Variants in AHCYL1 observed in about 807,000 individuals in gnomAD.
The protein encoded by AHCYL1 is adenosylhomocysteinase like 1, also known as S-adenosylhomocysteine hydrolase-like protein 1.
In AHCYL1, 20 loss-of-function variants were observed where a neutral mutation model predicts 79.3. The ratio of observed to expected loss-of-function variants is 0.25; its 90% CI spans 0.18 to 0.37. AHCYL1 has a LOEUF of 0.37. AHCYL1 is among the 10% of genes least tolerant of loss of function. The pLI, the probability that AHCYL1 is intolerant of heterozygous loss-of-function variation, is 1.00. For missense variants in AHCYL1, 330 were observed against 673.6 expected, an observed-to-expected ratio of 0.49 and a Z score of 5.65; for synonymous variants, 223 against 242.2, an observed-to-expected ratio of 0.92 and a Z score of 0.74.
chr1:109,995,420 G>A (rs764047779), intron 1 of AHCYL1, among the ~76,000 whole-genome samples: 6 of 152,096 alleles, frequency 3.9e-5, no homozygotes, highest in Non-Finnish European at 5.9e-5. Flanking sequence ...ATACAATCTC[G>A]GTCTTCCTCA....
intron 2 of AHCYL1, among the ~76,000 whole-genome samples, chr1:110,009,617 C>A: frequency 6.6e-6 from 1 of 152,148 alleles, no homozygotes; most frequent in East Asian, 1.9e-4. Flanking sequence ...TTAGGTTATT[C>A]TTTCTGTTGG....
chr1:110,012,391 C>T lies in AHCYL1; in HGVS notation c.406C>T (p.Arg136Cys), dbSNP rs1257309690. The change falls in exon 4 of 17, where the codon CGT becomes TGT. Residue 136 changes from arginine to cysteine, a missense_variant. By Grantham distance (180) the Arg-to-Cys change is radical. This residue lies in a region of AHCYL1 where 97 missense variants were observed against 176.3 expected (regional missense o/e 0.55). Transcript: ENST00000369799. ...DMSALISLRK[R>C]AQGEKPLAGA... The stretch of plus-strand genomic sequence containing the variant: ...GTCTGCTCTGATTTCACTCAGGAAA[C>T]GTGCTCAGGGGGAGAAGCCCTTGGC... The T allele has an allele frequency of 1.9e-6, 3 of 1,613,892 alleles. No individual in the cohort carries two copies. The highest frequency in any genetic ancestry group is 2.5e-6 in the Non-Finnish European group (3 of 1,179,954).
At chr1:110,016,511 T>G in intron 8 of AHCYL1, 51 bp downstream of exon 8, 2 of 1,579,174 alleles carry the variant, frequency 1.3e-6, no homozygotes, top group Non-Finnish European at 1.7e-6. Context: ...GGTCTTCCTT[T>G]GGCTTTAAAA....
Position 109,996,978 on chromosome 1 carries a change from C to T in AHCYL1, c.120+11806C>T, listed in dbSNP as rs578001779. ...TGGGTGTTTGGAACCATTATCTCCT[C>T]GCCAGACTGGGTTGTAGTTTCTTGA... On this transcript the variant is annotated intron_variant, in intron 1 of 16. Coordinates refer to ENST00000369799, the MANE Select transcript of AHCYL1 (RefSeq NM_006621.7). Among the ~76,000 whole-genome samples the T allele has an allele frequency of 3.3e-5, 5 of 152,286 alleles. No homozygotes were observed. In the South Asian group the frequency reaches 1.0e-3, roughly 32 times the overall value.
chr1:110,011,227 A>G lies in AHCYL1; in HGVS notation c.246A>G (p.Thr82=). 6.2e-7 allele frequency: 1 copy of G among 1,614,054 alleles called. No individual in the cohort carries two copies. The highest frequency in any genetic ancestry group is 8.5e-7 in the Non-Finnish European group (1 of 1,179,980). The part of the protein sequence containing the change: ...TDSYSSAASY[T]DSSDDEVSPR... ...TCCTGGCTCTAGCTGCATCCTACAC[A>G]GATAGCTCTGATGATGAGGTTTCTC... Residue 82 remains threonine (T), a synonymous_variant, in exon 3 of 17, where the codon ACA becomes ACG. Transcript: ENST00000369799.
At chr1:110,002,429 C>T (rs994157140) in intron 1 of AHCYL1, among the ~76,000 whole-genome samples, 5 of 152,162 alleles carry the variant, frequency 3.3e-5, no homozygotes, top group Middle Eastern at 6.8e-3. Context: ...CAATTTGAGA[C>T]AATATGAGTA....
intron 1 of AHCYL1, among the ~76,000 whole-genome samples, chr1:110,003,599 G>GT (rs1650453362): frequency 6.6e-6 from 1 of 151,984 alleles, no homozygotes; most frequent in Non-Finnish European, 1.5e-5. Context: ...CACCTGTACT[G>GT]ATTTTTTTTT....
chr1:110,015,368 G>T, intron 6 of AHCYL1, 57 bp from the exon 7 acceptor site: 1 of 1,436,746 alleles, frequency 7.0e-7, no homozygotes, highest in Non-Finnish European at 9.8e-7. Context: ...TGGGTTCAAA[G>T]TTCCCCCCAG....
At chr1:109,985,441 TGGATGAA>T in intron 1 of AHCYL1, 1 of 1,166,058 alleles carries the variant, frequency 8.6e-7, no homozygotes, top group Non-Finnish European at 1.1e-6. Context: ...TGACTTTTCC[TGGATGAA>T]GGGCCTCGAA....
intron 1 of AHCYL1, 158 bp downstream of exon 1, chr1:109,985,330 G>A: frequency 9.0e-6 from 12 of 1,340,570 alleles, no homozygotes; most frequent in Non-Finnish European, 1.1e-5. Context: ...GGCCTCTCCC[G>A]GGCTGAAAGG....
chr1:110,019,694 G>A (rs910681203), intron 15 of AHCYL1, 68 bp downstream of exon 15: 8 of 1,455,350 alleles, frequency 5.5e-6, no homozygotes, highest in East Asian at 2.3e-5. Context: ...GCCATGAAAG[G>A]CATTGGATTT....
In AHCYL1 at chr1:110,011,246, G is replaced by C. The variant is rs770014271; in HGVS notation, c.265G>C (p.Val89Leu). Reference sequence around the variant, plus strand: ...CTACACAGATAGCTCTGATGATGAGGTTTCTCCCCGAGAGAAGCAGCAAAC... The same window carrying C: ...CTACACAGATAGCTCTGATGATGAGCTTTCTCCCCGAGAGAAGCAGCAAAC... Reference protein sequence around the residue: ...ASYTDSSDDEVSPREKQQTNS... With the variant: ...ASYTDSSDDELSPREKQQTNS... Residue 89 changes from valine to leucine, a missense_variant, in exon 3 of 17, where the codon GTT becomes CTT. This residue lies in a region of AHCYL1 where 97 missense variants were observed against 176.3 expected (regional missense o/e 0.55). Transcript: ENST00000369799. The C allele has an allele frequency of 3.1e-6, 5 of 1,614,036 alleles. No individual in the cohort carries two copies. The highest frequency in any genetic ancestry group is 4.2e-6 in the Non-Finnish European group (5 of 1,179,996).
At chr1:109,996,054 A>G (rs1376127067) in intron 1 of AHCYL1, among the ~76,000 whole-genome samples, 1 of 152,144 alleles carries the variant, frequency 6.6e-6, no homozygotes, top group African/African-American at 2.4e-5. Context: ...TAAAAATACA[A>G]AAATTAGCCG....
At position 109,984,998 on chromosome 1, in the gene AHCYL1, A is replaced by C. The variant is rs536442460; in HGVS notation, c.-55A>C. 690 of 1,436,100 alleles carry C rather than the reference A, an allele frequency of 4.8e-4. 4 individuals are homozygous for C. In the East Asian group the frequency reaches 0.01, roughly 21 times the overall value. The allele number at this position is 1,436,100 out of a possible 1,614,324, so 89.0% of individuals were successfully genotyped here. A position where few individuals can be genotyped will look rare whatever the true frequency, so the allele number is the denominator to read the frequency against. ...CCGCGCGGGCAGGCGGGCGGGCGCC[A>C]GAGGGGGAAAGAGGCGGGGGCGGCG... On this transcript the variant is annotated 5_prime_UTR_variant, in exon 1 of 17. Coordinates refer to ENST00000369799, the MANE Select transcript of AHCYL1 (RefSeq NM_006621.7).
At position 110,011,230 on chromosome 1, in the gene AHCYL1, T is replaced by C. The variant is rs763651563; in HGVS notation, c.249T>C (p.Asp83=). 1.9e-6 allele frequency: 3 copies of C among 1,613,992 alleles called. No individual in the cohort carries two copies. The highest frequency in any genetic ancestry group is 2.2e-5 in the South Asian group (2 of 91,054). ...TGGCTCTAGCTGCATCCTACACAGATAGCTCTGATGATGAGGTTTCTCCCC... is the reference window on the plus strand; with the variant it reads ...TGGCTCTAGCTGCATCCTACACAGACAGCTCTGATGATGAGGTTTCTCCCC... ...DSYSSAASYT[D]SSDDEVSPRE... is the part of the protein sequence containing the mutation. The change falls in exon 3 of 17, where the codon GAT becomes GAC. Residue 83 remains aspartate (D), a synonymous_variant. Transcript: ENST00000369799.
chr1:109,998,531 G>T (rs1037662443), intron 1 of AHCYL1, among the ~76,000 whole-genome samples: 3 of 152,160 alleles, frequency 2.0e-5, no homozygotes, highest in Admixed American at 6.5e-5. Context: ...AGGCTGGAGT[G>T]CAGTGGTGTG....
chr1:110,021,342 C>T (rs1484021193), intron 16 of AHCYL1, among the ~76,000 whole-genome samples: 1 of 152,166 alleles, frequency 6.6e-6, no homozygotes, highest in Non-Finnish European at 1.5e-5. Context: ...ATTTTGGAGC[C>T]TGGGCCTCAC....
rs112525217 is a variant in AHCYL1 at position 110,016,621 on chromosome 1, G to C, written c.900-46G>C. 1.4e-3 allele frequency: 2,236 copies of C among 1,612,482 alleles called. 22 individuals are homozygous for C. In the African/African-American group the frequency reaches 0.026, roughly 19 times the overall value. The stretch of plus-strand genomic sequence containing the variant: ...TTTTAACTTTGTGAAGAGGGACTGA[G>C]TTTGAGCTATTAACGTTTGAGTTGA... On this transcript the variant is annotated intron_variant, in intron 8 of 16. Transcript: ENST00000369799.
chr1:110,001,564 G>GA (rs1650316585), intron 1 of AHCYL1, among the ~76,000 whole-genome samples: 1 of 152,006 alleles, frequency 6.6e-6, no homozygotes, highest in African/African-American at 2.4e-5. Context: ...ATTCCCAAGT[G>GA]AAAAAAACAA....
Sources: allele counts gnomAD v4.1 joint callset (sites outside exome capture counted in the v4.1 genomes callset), GRCh38; gene constraint gnomAD v4.1.1; regional missense constraint gnomAD v4.1.1; transcripts MANE v1.5; gene names NCBI Gene and HGNC (gene_info 2026-07-23, HGNC 2026-07-21).